PTPRD: variants seen among roughly 807,000 people sequenced by gnomAD.
PTPRD encodes protein tyrosine phosphatase receptor type D, also known as receptor-type tyrosine-protein phosphatase delta.
A neutral mutation model predicts 214.5 loss-of-function variants in PTPRD; 34 were observed. The observed-to-expected ratio is 0.16, with a 90% CI of 0.12 to 0.21. The LOEUF (loss-of-function observed/expected upper bound fraction) is 0.21. Among genes scored for constraint, PTPRD ranks in the 10% least tolerant of loss-of-function variants. PTPRD has a pLI of 1.00. For synonymous variants in PTPRD, 1,128 were observed against 845.7 expected (o/e 1.33, Z -5.79); for missense variants, 2,545 against 2,398.7 (o/e 1.06, Z -1.27).
intron 11 of PTPRD, among the ~76,000 whole-genome samples, chr9:8,837,330 A>T (rs1457669903): frequency 6.6e-6 from 1 of 152,092 alleles, no homozygotes; most frequent in Non-Finnish European, 1.5e-5. Context: ...TTATTTTAAA[A>T]ACAAGAGATA....
intron 8 of PTPRD, among the ~76,000 whole-genome samples, chr9:9,422,378 G>C (rs570301034): frequency 1.3e-5 from 2 of 152,166 alleles, no homozygotes; most frequent in East Asian, 3.9e-4. Flanking sequence ...TTCATTTCTA[G>C]CTATGATGGA....
intron 9 of PTPRD, among the ~76,000 whole-genome samples, chr9:9,225,484 G>C (rs1488653234): frequency 6.6e-6 from 1 of 151,954 alleles, no homozygotes; most frequent in Non-Finnish European, 1.5e-5. Context: ...AACTCATGCT[G>C]GTTGCTTTAT....
chr9:10,002,255 A>T (rs1235121606), intron 4 of PTPRD, among the ~76,000 whole-genome samples: 1 of 149,644 alleles, frequency 6.7e-6, no homozygotes, highest in Non-Finnish European at 1.5e-5. Context: ...CATAGGAACA[A>T]AAAAAAGACA....
chr9:8,875,949 C>T (rs144296548), intron 11 of PTPRD, among the ~76,000 whole-genome samples: 329 of 152,258 alleles, frequency 2.2e-3, no homozygotes, highest in African/African-American at 7.2e-3. Context: ...CTTTATGATG[C>T]CGAGACACTG....
rs79921927 is a variant in PTPRD at position 9,618,271 on chromosome 9, C to G, written c.-286-43490G>C. 8.8e-3 allele frequency among the ~76,000 whole-genome samples: 1,331 copies of G among 151,462 alleles called. 15 individuals are homozygous for G. Among genetic ancestry groups the G allele is most frequent in the African/African-American group, 0.031 (1,265 of 41,254 alleles). ...CTCTTCATCATTATACTAACCCTTC[C>G]GGGAAGACAGTAGTATTATCACAAT... is the stretch of plus-strand genomic sequence containing the variant. On this transcript the variant is annotated intron_variant, in intron 7 of 45. Transcript: ENST00000381196.
At chr9:10,088,204 T>A (rs1414094175) in intron 3 of PTPRD, among the ~76,000 whole-genome samples, 1 of 151,784 alleles carries the variant, frequency 6.6e-6, no homozygotes, top group Non-Finnish European at 1.5e-5. Context: ...TATATCTTCA[T>A]GACAATCCAC....
At chr9:9,833,169 A>G (rs1034899994) in intron 5 of PTPRD, among the ~76,000 whole-genome samples, 14 of 152,052 alleles carry the variant, frequency 9.2e-5, no homozygotes, top group Non-Finnish European at 2.1e-4. Context: ...TAAGGGTTCT[A>G]TCAGGGGACC....
intron 39 of PTPRD, among the ~76,000 whole-genome samples, chr9:8,374,326 A>G (rs948563956): frequency 6.6e-6 from 1 of 151,940 alleles, no homozygotes; most frequent in Non-Finnish European, 1.5e-5. Context: ...AATCAGGTAC[A>G]TTGGCTCTTT....
At chr9:10,582,344 T>C (rs1439819113) in intron 2 of PTPRD, among the ~76,000 whole-genome samples, 4 of 152,184 alleles carry the variant, frequency 2.6e-5, no homozygotes, top group Non-Finnish European at 5.9e-5. Context: ...ACTGTTGGTA[T>C]TCTTTCCTAC....
At chr9:9,738,707 G>T (rs1214936258) in intron 6 of PTPRD, among the ~76,000 whole-genome samples, 2 of 151,992 alleles carry the variant, frequency 1.3e-5, no homozygotes, top group Non-Finnish European at 2.9e-5. Context: ...CTCCCAAAGT[G>T]CTGGGATTAC....
chr9:8,395,427 A>C (rs774273651), intron 36 of PTPRD, among the ~76,000 whole-genome samples: 3 of 151,596 alleles, frequency 2.0e-5, no homozygotes, highest in Non-Finnish European at 4.4e-5. Context: ...AATTGATTAA[A>C]TTCTAAAGGA....
chr9:8,510,183 T>C (rs1321717481), intron 21 of PTPRD, among the ~76,000 whole-genome samples: 2 of 151,924 alleles, frequency 1.3e-5, no homozygotes, highest in African/African-American at 2.4e-5. Context: ...TCCCAGCTGC[T>C]TGGGAGGCTG....
intron 6 of PTPRD, among the ~76,000 whole-genome samples, chr9:9,758,707 T>C (rs959435804): frequency 2.0e-5 from 3 of 151,720 alleles, no homozygotes; most frequent in Non-Finnish European, 4.4e-5. Flanking sequence ...GCAAGGACGC[T>C]CCAGAACCTC....
At chr9:10,252,938 C>T (rs965829888) in intron 3 of PTPRD, among the ~76,000 whole-genome samples, 15 of 151,962 alleles carry the variant, frequency 9.9e-5, no homozygotes, top group African/African-American at 3.6e-4. Context: ...TGTGCGCCAC[C>T]ACACCCGGCT....
intron 2 of PTPRD, among the ~76,000 whole-genome samples, chr9:10,351,663 C>CT (rs33924476): frequency 0.12 from 17,556 of 144,282 alleles, 1,175 homozygotes; most frequent in Non-Finnish European, 0.16. Flanking sequence ...TTAATTCTAA[C>CT]TTTTTTTTTT....
chr9:9,388,035 C>A (rs1053676123), intron 9 of PTPRD, among the ~76,000 whole-genome samples: 1 of 152,014 alleles, frequency 6.6e-6, no homozygotes, highest in Non-Finnish European at 1.5e-5. Flanking sequence ...CCTTGCTGTA[C>A]TGGAAGAATT....
At chr9:10,414,135 C>T (rs780112579) in intron 2 of PTPRD, among the ~76,000 whole-genome samples, 19 of 151,964 alleles carry the variant, frequency 1.3e-4, no homozygotes, top group Admixed American at 4.6e-4. Flanking sequence ...AGCTTGGGCA[C>T]AGCGAAAGCA....
intron 3 of PTPRD, among the ~76,000 whole-genome samples, chr9:10,090,502 A>T (rs556507975): frequency 2.0e-5 from 3 of 151,436 alleles, no homozygotes; most frequent in African/African-American, 7.2e-5. Context: ...CATGATTTTA[A>T]CAACTTTATT....
At chr9:9,544,612 T>G (rs2078347199) in intron 8 of PTPRD, among the ~76,000 whole-genome samples, 1 of 151,712 alleles carries the variant, frequency 6.6e-6, no homozygotes, top group South Asian at 2.1e-4. Flanking sequence ...TAAAAACATT[T>G]TAACCAAAAA....
Sources: allele counts gnomAD v4.1 joint callset (sites outside exome capture counted in the v4.1 genomes callset), GRCh38; gene constraint gnomAD v4.1.1; transcripts MANE v1.5; gene names NCBI Gene and HGNC (gene_info 2026-07-23, HGNC 2026-07-21).